The following POLN variants were observed in gnomAD, a reference collection of about 807,000 sequenced individuals.
POLN encodes DNA polymerase N.
Under a neutral mutation model 113.5 loss-of-function variants are expected in POLN, and 108 were observed. That is an observed-to-expected ratio of 0.95 (90% CI 0.81 to 1.12). POLN has a LOEUF of 1.12. Among genes scored for constraint, POLN ranks in the 50% most tolerant of loss-of-function variants. The probability of loss-of-function intolerance (pLI) is 0.00; values close to 1 mark genes in which losing one functional copy is unlikely to be tolerated. For synonymous variants in POLN, 386 were observed against 391.5 expected, an observed-to-expected ratio of 0.99 and a Z score of 0.17; for missense variants, 1,097 against 1,077.1, an observed-to-expected ratio of 1.02 and a Z score of -0.26.
At chr4:2,145,368 C>T (rs142335887) in intron 16 of POLN, among the ~76,000 whole-genome samples, 2 of 152,070 alleles carry the variant, frequency 1.3e-5, no homozygotes, top group Non-Finnish European at 2.9e-5. Context: ...CTGAGAAAAA[C>T]AAACCAACCA....
chr4:2,200,382 G>A (rs1013317244), intron 5 of POLN, among the ~76,000 whole-genome samples: 3 of 152,202 alleles, frequency 2.0e-5, no homozygotes, highest in African/African-American at 7.2e-5. Flanking sequence ...CTTGCATCGT[G>A]AACTTTTGCT....
At chr4:2,145,795 T>G (rs1201981650) in intron 16 of POLN, among the ~76,000 whole-genome samples, 1 of 152,150 alleles carries the variant, frequency 6.6e-6, no homozygotes, top group African/African-American at 2.4e-5. Flanking sequence ...GGTGAGGTGC[T>G]AGAGAAACCC....
In POLN at chr4:2,072,106, GC is replaced by G; in HGVS notation, c.*7del. The G allele has an allele frequency of 6.2e-7, 1 of 1,612,902 alleles. No homozygotes were observed. On this transcript the variant is annotated 3_prime_UTR_variant, in exon 26 of 26. Coordinates refer to ENST00000511885, the MANE Select transcript of POLN (RefSeq NM_181808.4). ...AAACCAGTTCTCTCCTCCCACTGTT[GC>G]CTGGGGCTACAGACAAAATGAAGGC...
At chr4:2,079,249 A>G (rs1420186784) in intron 23 of POLN, 1 of 295,108 alleles carries the variant, frequency 3.4e-6, no homozygotes, top group Admixed American at 6.5e-5. Context: ...ACTTTTCTAG[A>G]CTTGCAGTAT....
intron 4 of POLN, 66 bp from the exon 5 acceptor site, chr4:2,208,553 A>C (rs1733915773): frequency 2.3e-6 from 3 of 1,313,066 alleles, no homozygotes; most frequent in Non-Finnish European, 3.1e-6. Flanking sequence ...AAACTAAACT[A>C]ATTTCTGGTA....
At chr4:2,239,469 T>C (rs569684958) in intron 2 of POLN, among the ~76,000 whole-genome samples, 14 of 152,212 alleles carry the variant, frequency 9.2e-5, no homozygotes, top group Non-Finnish European at 1.5e-4. Flanking sequence ...TTGTCAGCTA[T>C]AGAAACTAAC....
Position 2,229,194 on chromosome 4 carries a change from C to G in POLN, c.38G>C (p.Cys13Ser). ...AGCAACACTGGAGAGCGGTGTATTA[C>G]AGAGATCAAAGCCTACCAATGCCTC... ...NYEALVGFDLCNTPLSSVAQK... is the reference protein window; with the variant it reads ...NYEALVGFDLSNTPLSSVAQK... The change falls in exon 3 of 26, where the codon TGT (cysteine) becomes TCT (serine). Residue 13 changes from cysteine (C) to serine (S), a missense_variant. Physicochemically the swap from Cys to Ser is moderately radical, Grantham distance 112. Coordinates refer to ENST00000511885, the MANE Select transcript of POLN (RefSeq NM_181808.4). 1.2e-6 allele frequency: 2 copies of G among 1,610,628 alleles called. No homozygotes were observed. The highest frequency in any genetic ancestry group is 1.7e-6 in the Non-Finnish European group (2 of 1,177,578).
chr4:2,176,611 C>A (rs545012162), intron 8 of POLN, among the ~76,000 whole-genome samples: 2 of 152,292 alleles, frequency 1.3e-5, no homozygotes, highest in South Asian at 2.1e-4. Flanking sequence ...AGAAACAGAA[C>A]CACAAAGAAG....
At chr4:2,189,642 C>A (rs111251430) in intron 7 of POLN, among the ~76,000 whole-genome samples, 29,424 of 130,788 alleles carry the variant, frequency 0.22, 5,001 homozygotes, top group African/African-American at 0.48. Context: ...CCATCTCAAA[C>A]AAAAAAAAAA....
chr4:2,172,584 G>A (rs1330857494), intron 11 of POLN, among the ~76,000 whole-genome samples: 4 of 152,114 alleles, frequency 2.6e-5, no homozygotes, highest in Admixed American at 2.6e-4. Flanking sequence ...CCTCTTCTTG[G>A]TTGACATTAG....
chr4:2,198,576 C>G lies in POLN; in HGVS notation c.856G>C (p.Glu286Gln). 2.5e-6 allele frequency: 4 copies of G among 1,613,548 alleles called. No individual in the cohort carries two copies. Among genetic ancestry groups the G allele is most frequent in the Non-Finnish European group, 3.4e-6 (4 of 1,179,844 alleles). ...TCTTGGTCCCAGATAGCAGAGTGCT[C>G]TATTTGAATGTAGATGCATGGATCA... ...SDDPCIYIQI[E>Q]HSAIWDQEQE... Residue 286 changes from glutamate (E) to glutamine (Q), a missense_variant, in exon 6 of 26, where the codon GAG becomes CAG. Coordinates refer to ENST00000511885, the MANE Select transcript of POLN (RefSeq NM_181808.4).
intron 19 of POLN, among the ~76,000 whole-genome samples, chr4:2,124,136 G>A (rs1410174710): frequency 6.6e-6 from 1 of 152,186 alleles, no homozygotes; most frequent in Non-Finnish European, 1.5e-5. Flanking sequence ...GAAGTGTCCA[G>A]AATAGGTAAA....
At chr4:2,172,212 C>T (rs76934140) in intron 11 of POLN, among the ~76,000 whole-genome samples, 3,149 of 152,248 alleles carry the variant, frequency 0.021, 106 homozygotes, top group African/African-American at 0.071. Flanking sequence ...GCCTGCATGA[C>T]CTGAAATGCT....
At chr4:2,173,910 C>G in intron 11 of POLN, 45 bp downstream of exon 11, 1 of 1,555,834 alleles carries the variant, frequency 6.4e-7, no homozygotes, top group Non-Finnish European at 8.9e-7. Context: ...CTATCTCATG[C>G]AGGAAAGAGA....
chr4:2,101,805 G>A (rs976669375), intron 19 of POLN, among the ~76,000 whole-genome samples: 1 of 152,228 alleles, frequency 6.6e-6, no homozygotes, highest in African/African-American at 2.4e-5. Flanking sequence ...ATGGGCTGCA[G>A]CCACCATCGT....
chr4:2,211,862 C>A (rs747900869), intron 4 of POLN, among the ~76,000 whole-genome samples: 71 of 152,166 alleles, frequency 4.7e-4, no homozygotes, highest in Non-Finnish European at 8.8e-4. Context: ...AGAAAGGGAG[C>A]AAAAAGTTTG....
At chr4:2,167,455 C>T (rs1217970461) in intron 13 of POLN, among the ~76,000 whole-genome samples, 4 of 152,116 alleles carry the variant, frequency 2.6e-5, no homozygotes, top group Non-Finnish European at 4.4e-5. Context: ...AGTGAGTGGA[C>T]CAGCTAGGTA....
chr4:2,073,594 C>G lies in POLN; in HGVS notation c.2456-565G>C, dbSNP rs566505694. 4.6e-5 allele frequency among the ~76,000 whole-genome samples: 7 copies of G among 152,376 alleles called. No homozygotes were observed. The South Asian group carries it at 8.3e-4, about 18-fold the overall frequency. The stretch of plus-strand genomic sequence containing the variant: ...TGGATCACCATGCAGCAGTGGGGCT[C>G]AGAGCCCTACGAAAGGGAAGGCCTG... On this transcript the variant is annotated intron_variant, in intron 24 of 25. Transcript: ENST00000511885.
chr4:2,182,640 T>G (rs1733171564), intron 7 of POLN, among the ~76,000 whole-genome samples: 1 of 152,084 alleles, frequency 6.6e-6, no homozygotes, highest in South Asian at 2.1e-4. Flanking sequence ...TACAGACCCC[T>G]ACCTCACACC....
Sources: allele counts gnomAD v4.1 joint callset (sites outside exome capture counted in the v4.1 genomes callset), GRCh38; gene constraint gnomAD v4.1.1; transcripts MANE v1.5; gene names NCBI Gene and HGNC (gene_info 2026-07-23, HGNC 2026-07-21).